RERE: variants seen among roughly 807,000 people sequenced by gnomAD.
RERE encodes arginine-glutamic acid dipeptide repeats protein.
In RERE, 40 loss-of-function variants were observed where a neutral mutation model predicts 146.1. That is an observed-to-expected ratio of 0.27 (90% CI 0.21 to 0.36). The LOEUF is 0.36. RERE is among the 10% of genes least tolerant of loss of function. The pLI, the probability that RERE is intolerant of heterozygous loss-of-function variation, is 1.00. For synonymous variants in RERE, 1,003 were observed against 866.0 expected (o/e 1.16, Z -2.78); for missense variants, 1,933 against 2,138.7 (o/e 0.90, Z 1.90).
At chr1:8,593,681 A>T (rs1320692145) in intron 4 of RERE, among the ~76,000 whole-genome samples, 4 of 152,256 alleles carry the variant, frequency 2.6e-5, no homozygotes, top group Non-Finnish European at 5.9e-5. Context: ...CCCCCAATCC[A>T]CTGCAGAGCA....
chr1:8,379,969 TG>T (rs1346447650), intron 12 of RERE, among the ~76,000 whole-genome samples: 3 of 152,218 alleles, frequency 2.0e-5, no homozygotes, highest in South Asian at 4.1e-4. Context: ...CATCAAATCC[TG>T]GCCGCTCCTG....
intron 7 of RERE, among the ~76,000 whole-genome samples, chr1:8,514,884 T>C (rs1645393538): frequency 1.3e-5 from 2 of 152,220 alleles, no homozygotes; most frequent in Non-Finnish European, 2.9e-5. Flanking sequence ...CTAAAATTCA[T>C]CTAGAAGACT....
At chr1:8,465,556 C>T in intron 11 of RERE, 1 of 352,892 alleles carries the variant, frequency 2.8e-6, no homozygotes, top group South Asian at 2.2e-5. Context: ...GACAAGTCAC[C>T]AACCCTACTT....
At chr1:8,660,981 C>T (rs1220492666) in intron 1 of RERE, among the ~76,000 whole-genome samples, 1 of 152,114 alleles carries the variant, frequency 6.6e-6, no homozygotes, top group African/African-American at 2.4e-5. Context: ...AACATAAAAC[C>T]CCTGCCCTTA....
chr1:8,443,575 T>C (rs1327709718), intron 11 of RERE, among the ~76,000 whole-genome samples: 22 of 151,768 alleles, frequency 1.4e-4, no homozygotes, highest in Admixed American at 1.4e-3. Flanking sequence ...CAAGCGCTGA[T>C]ATCCAAGACA....
chr1:8,775,360 C>A (rs369236846), intron 1 of RERE, among the ~76,000 whole-genome samples: 1 of 152,308 alleles, frequency 6.6e-6, no homozygotes, highest in South Asian at 2.1e-4. Flanking sequence ...CTTCTTGAAG[C>A]TAGGCATTCA....
At chr1:8,689,049 T>A (rs1023313871) in intron 1 of RERE, among the ~76,000 whole-genome samples, 1 of 152,184 alleles carries the variant, frequency 6.6e-6, no homozygotes, top group Non-Finnish European at 1.5e-5. Flanking sequence ...AAAGCTTTTT[T>A]AAAAATCTAT....
intron 11 of RERE, among the ~76,000 whole-genome samples, chr1:8,426,796 C>T (rs576993887): frequency 1.3e-3 from 191 of 152,286 alleles, no homozygotes; most frequent in Non-Finnish European, 1.6e-3. Context: ...TGGGGGACCT[C>T]TGTCTCAACT....
intron 1 of RERE, among the ~76,000 whole-genome samples, chr1:8,662,876 A>G (rs1638486699): frequency 6.6e-6 from 1 of 152,186 alleles, no homozygotes; most frequent in African/African-American, 2.4e-5. Flanking sequence ...ATTGCTGTAA[A>G]AGGGGACAAG....
rs79497036 is a variant in RERE at position 8,665,335 on chromosome 1, A to T, written c.-144-8894T>A. On this transcript the variant is annotated intron_variant, in intron 1 of 22. Coordinates refer to ENST00000400908, the MANE Select transcript of RERE (RefSeq NM_001042681.2). Reference sequence around the variant, plus strand: ...CTCCCAGCTAGAAGTTCCTTGAGGGACTGACCCTTGACTGTTTTTTGCCCT... The same window carrying T: ...CTCCCAGCTAGAAGTTCCTTGAGGGTCTGACCCTTGACTGTTTTTTGCCCT... Among the ~76,000 whole-genome samples, 88 of 152,304 alleles carry T rather than the reference A, an allele frequency of 5.8e-4. 1 individual carries two copies. In the East Asian group the frequency reaches 0.015, roughly 26 times the overall value.
At chr1:8,451,014 A>AC (rs1317307321) in intron 11 of RERE, among the ~76,000 whole-genome samples, 1 of 151,764 alleles carries the variant, frequency 6.6e-6, no homozygotes, top group South Asian at 2.1e-4. Flanking sequence ...AGCTACCATG[A>AC]CCCCCACAAC....
intron 1 of RERE, among the ~76,000 whole-genome samples, chr1:8,752,158 T>G (rs1021652477): frequency 6.6e-6 from 1 of 152,028 alleles, no homozygotes; most frequent in Non-Finnish European, 1.5e-5. Flanking sequence ...GGATTTGCCT[T>G]GCGTGTCTGT....
chr1:8,358,154 C>G, intron 20 of RERE, 42 bp downstream of exon 20: 3 of 1,552,756 alleles, frequency 1.9e-6, no homozygotes, highest in Non-Finnish European at 2.6e-6. Flanking sequence ...CTCTGCACCC[C>G]TCCCCGTGCC....
At chr1:8,640,008 C>T (rs1647155397) in intron 2 of RERE, among the ~76,000 whole-genome samples, 1 of 152,062 alleles carries the variant, frequency 6.6e-6, no homozygotes, top group African/African-American at 2.4e-5. Context: ...AAAAGCACAG[C>T]TAGGCATGGT....
At chr1:8,701,961 T>A (rs1271018948) in intron 1 of RERE, among the ~76,000 whole-genome samples, 1 of 152,118 alleles carries the variant, frequency 6.6e-6, no homozygotes, top group Non-Finnish European at 1.5e-5. Context: ...TAGAGTTGGT[T>A]GTGCTTCTGG....
At position 8,361,442 on chromosome 1, in the gene RERE, C is replaced by T; in HGVS notation, c.2065G>A (p.Asp689Asn). The T allele has an allele frequency of 1.2e-6, 2 of 1,613,652 alleles. No individual in the cohort carries two copies. The highest frequency in any genetic ancestry group is 1.7e-6 in the Non-Finnish European group (2 of 1,179,960). The change falls in exon 18 of 23, where the codon GAC (aspartate) becomes AAC (asparagine). Residue 689 changes from aspartate to asparagine, a missense_variant. Asp to Asn is a conservative substitution (Grantham distance 23). This residue lies in a region of RERE where 1,255 missense variants were observed against 1,153.8 expected (regional missense o/e 1.09). Transcript: ENST00000400908. ...SPSEGEGESSDSRSVNDEGSS... is the reference protein window; with the variant it reads ...SPSEGEGESSNSRSVNDEGSS... The stretch of plus-strand genomic sequence containing the variant: ...CCCTCATCGTTGACGCTGCGACTGT[C>T]TGAACTCTCTCCCTCACCTTCAGAT...
chr1:8,371,056 T>C (rs1642017005), intron 12 of RERE, among the ~76,000 whole-genome samples: 1 of 152,136 alleles, frequency 6.6e-6, no homozygotes, highest in Non-Finnish European at 1.5e-5. Context: ...GGTGCTATAA[T>C]TGCACACAGC....
At chr1:8,546,047 C>G (rs1164816216) in intron 6 of RERE, among the ~76,000 whole-genome samples, 1 of 122,646 alleles carries the variant, frequency 8.2e-6, no homozygotes, top group African/African-American at 3.1e-5. Context: ...TGAAGTGCAG[C>G]GGTTTGATCT....
Position 8,489,366 on chromosome 1 carries a change from A to G in RERE, c.1104+5697T>C, listed in dbSNP as rs1248647874. 2.6e-5 allele frequency among the ~76,000 whole-genome samples: 4 copies of G among 151,896 alleles called. No individual in the cohort carries two copies. In the East Asian group the frequency reaches 7.7e-4, roughly 29 times the overall value. ...CAAAGTGAGACTTAAAAAAAAAAAG[A>G]AAAAGGAAAAAAAAATTTTTTTAAA... On this transcript the variant is annotated intron_variant, in intron 10 of 22. Coordinates refer to ENST00000400908, the MANE Select transcript of RERE (RefSeq NM_001042681.2).
Sources: allele counts gnomAD v4.1 joint callset (sites outside exome capture counted in the v4.1 genomes callset), GRCh38; gene constraint gnomAD v4.1.1; regional missense constraint gnomAD v4.1.1; transcripts MANE v1.5; gene names NCBI Gene and HGNC (gene_info 2026-07-23, HGNC 2026-07-21).